UBXN7: variants seen among roughly 807,000 people sequenced by gnomAD.
UBXN7 encodes UBX domain-containing protein 7.
In UBXN7, 9 loss-of-function variants were observed where a neutral mutation model predicts 58.0. The ratio of observed to expected loss-of-function variants is 0.16; its 90% CI spans 0.09 to 0.27. UBXN7 has a LOEUF of 0.27. Among genes scored for constraint, UBXN7 ranks in the 10% least tolerant of loss-of-function variants. The pLI is 1.00. For synonymous variants in UBXN7, 208 were observed against 205.0 expected (o/e 1.01, Z -0.12); for missense variants, 328 against 599.6 (o/e 0.55, Z 4.73).
At chr3:196,391,997 A>AAAAAAAAAC (rs1560231323) in intron 4 of UBXN7, 72 bp from the exon 5 acceptor site, 1 of 578,732 alleles carries the variant, frequency 1.7e-6, no homozygotes, top group Non-Finnish European at 2.7e-6. Flanking sequence ...AAAAAAAAAA[A>AAAAAAAAAC]CACAAACTTC....
chr3:196,384,839 A>G (rs1458711880), intron 5 of UBXN7, among the ~76,000 whole-genome samples: 1 of 152,224 alleles, frequency 6.6e-6, no homozygotes, highest in Admixed American at 6.5e-5. Context: ...CCCACAGCCA[A>G]TACCATACTG....
chr3:196,364,724 T>C (rs1251390305), intron 8 of UBXN7, among the ~76,000 whole-genome samples: 1 of 147,942 alleles, frequency 6.8e-6, no homozygotes, highest in East Asian at 2.0e-4. Flanking sequence ...TTGAGAGAGG[T>C]TCTACTCTGT....
intron 1 of UBXN7, among the ~76,000 whole-genome samples, chr3:196,425,364 G>A (rs1166639909): frequency 1.3e-5 from 2 of 148,712 alleles, no homozygotes; most frequent in Non-Finnish European, 3.0e-5. Flanking sequence ...CTCCATTATA[G>A]CCAAGTAACT....
At chr3:196,363,854 G>A (rs1216882697) in intron 8 of UBXN7, among the ~76,000 whole-genome samples, 4 of 151,696 alleles carry the variant, frequency 2.6e-5, no homozygotes, top group African/African-American at 7.3e-5. Flanking sequence ...ACTTGAACCC[G>A]GGAGGCAGAA....
At chr3:196,381,836 G>A (rs987622738) in intron 5 of UBXN7, among the ~76,000 whole-genome samples, 2 of 152,234 alleles carry the variant, frequency 1.3e-5, no homozygotes, top group African/African-American at 4.8e-5. Context: ...AGAACTTCGT[G>A]ACGCTTGCAT....
intron 5 of UBXN7, among the ~76,000 whole-genome samples, chr3:196,380,431 A>G (rs904084257): frequency 6.6e-6 from 1 of 152,174 alleles, no homozygotes; most frequent in Non-Finnish European, 1.5e-5. Flanking sequence ...CTGCAACTCT[A>G]ATAACTTTAC....
chr3:196,393,741 C>T lies in UBXN7; in HGVS notation c.290-122G>A, dbSNP rs75815957. 1,328 of 864,548 alleles carry T rather than the reference C, an allele frequency of 1.5e-3. 16 individuals carry two copies. The African/African-American group carries it at 0.02, about 13-fold the overall frequency. The allele number at this position is 864,548 out of a possible 1,614,324, so 53.6% of individuals were successfully genotyped here. ...ATGAAACCCTTCACGAACTGCATGT[C>T]ACCCTTGCACAGGGGCCGTGCTAAT... On this transcript the variant is annotated intron_variant, in intron 3 of 10. Coordinates refer to ENST00000296328, the MANE Select transcript of UBXN7 (RefSeq NM_015562.2).
chr3:196,404,927 G>A (rs1431618517), intron 2 of UBXN7, among the ~76,000 whole-genome samples: 2 of 152,180 alleles, frequency 1.3e-5, no homozygotes, highest in Admixed American at 6.5e-5. Context: ...GCCAAGGCAG[G>A]TGGATCGCTT....
Position 196,347,997 on chromosome 3 carries a change from T to C in UBXN7, c.*8688A>G, listed in dbSNP as rs1458044300. On this transcript the variant is annotated 3_prime_UTR_variant, in exon 11 of 11. Transcript: ENST00000296328. Reference sequence around the variant, plus strand: ...TCCTCCTTCTGGAAATTATTACCTATAGACTAGGTAGATCTATAGGTAGAT... The same window carrying C: ...TCCTCCTTCTGGAAATTATTACCTACAGACTAGGTAGATCTATAGGTAGAT... The C allele has an allele frequency of 6.6e-6, 1 of 152,252 alleles. No homozygotes were observed. Among genetic ancestry groups the C allele is most frequent in the African/African-American group, 2.4e-5 (1 of 41,546 alleles). 9.4% of individuals were successfully genotyped at this position (152,252 alleles called of 1,614,324 possible). A position where few individuals can be genotyped will look rare whatever the true frequency, so the allele number is the denominator to read the frequency against.
At chr3:196,406,584 C>T (rs200777756) in intron 2 of UBXN7, among the ~76,000 whole-genome samples, 14 of 151,904 alleles carry the variant, frequency 9.2e-5, no homozygotes, top group East Asian at 5.8e-4. Context: ...GGATTACAGG[C>T]GCATGCCACC....
chr3:196,362,259 A>C, intron 9 of UBXN7, 35 bp downstream of exon 9: 1 of 1,548,578 alleles, frequency 6.5e-7, no homozygotes, highest in Non-Finnish European at 8.7e-7. Context: ...CCCAATATCT[A>C]AGTTTGAAGT....
intron 2 of UBXN7, among the ~76,000 whole-genome samples, chr3:196,404,103 A>G (rs897846963): frequency 5.3e-5 from 8 of 151,866 alleles, no homozygotes; most frequent in Non-Finnish European, 1.0e-4. Flanking sequence ...AGAAAAAGAA[A>G]AAAAAAAATT....
At chr3:196,416,518 T>A (rs77114310) in intron 1 of UBXN7, among the ~76,000 whole-genome samples, 1 of 152,066 alleles carries the variant, frequency 6.6e-6, no homozygotes, top group East Asian at 1.9e-4. Flanking sequence ...CCACCCTTCA[T>A]CTACCAGAAC....
chr3:196,407,779 T>G (rs1218004288), intron 1 of UBXN7, among the ~76,000 whole-genome samples: 1 of 152,094 alleles, frequency 6.6e-6, no homozygotes, highest in Non-Finnish European at 1.5e-5. Context: ...AGAATACATT[T>G]CAGTTAGCAT....
chr3:196,373,432 A>G (rs1198073662), intron 5 of UBXN7, among the ~76,000 whole-genome samples: 1 of 152,226 alleles, frequency 6.6e-6, no homozygotes, highest in Non-Finnish European at 1.5e-5. Flanking sequence ...AAAGCAAATA[A>G]GCAAATGCTG....
chr3:196,412,274 A>G (rs1189555592), intron 1 of UBXN7, among the ~76,000 whole-genome samples: 1 of 151,590 alleles, frequency 6.6e-6, no homozygotes, highest in South Asian at 2.1e-4. Context: ...GCATGAATAT[A>G]CAACGTGTGT....
Position 196,407,268 on chromosome 3 carries a change from A to T in UBXN7, c.199T>A (p.Ser67Thr). Residue 67 changes from serine to threonine, a missense_variant, in exon 2 of 11, where the codon TCT becomes ACT. Coordinates refer to ENST00000296328, the MANE Select transcript of UBXN7 (RefSeq NM_015562.2). Reference protein sequence around the residue: ...EEPSTSSASVSTVRPHTEEEV... With the variant: ...EEPSTSSASVTTVRPHTEEEV... ...TACTCTGTGTGTGGTCTGACAGTAG[A>T]GACACTTGCTGAACTGGTACTGGGC... The T allele has an allele frequency of 6.2e-7, 1 of 1,614,192 alleles. No homozygotes were observed. The highest frequency in any genetic ancestry group is 1.1e-5 in the South Asian group (1 of 91,068).
chr3:196,358,866 G>GC (rs539952120), intron 10 of UBXN7, among the ~76,000 whole-genome samples: 122 of 135,956 alleles, frequency 9.0e-4, no homozygotes, highest in African/African-American at 3.3e-3. Context: ...TCGCTTTGTT[G>GC]CCCAGGCTGG....
chr3:196,405,160 T>C (rs1193450225), intron 2 of UBXN7, among the ~76,000 whole-genome samples: 1 of 151,686 alleles, frequency 6.6e-6, no homozygotes. Flanking sequence ...ACTGTGTTTT[T>C]AAAAAAAGAG....
Sources: gnomAD v4.1 joint callset for allele counts (sites outside exome capture counted in the v4.1 genomes callset) on GRCh38, gnomAD v4.1.1 for gene constraint, MANE v1.5 for transcripts, NCBI Gene and HGNC (gene_info 2026-07-23, HGNC 2026-07-21) for gene names.